The following PLCB1 variants were observed in gnomAD, a reference collection of about 807,000 sequenced individuals.
PLCB1 encodes 1-phosphatidylinositol 4,5-bisphosphate phosphodiesterase beta-1.
In PLCB1, 46 loss-of-function variants were observed where a neutral mutation model predicts 161.8. The ratio of observed to expected loss-of-function variants is 0.28; its 90% CI spans 0.22 to 0.36. The LOEUF (loss-of-function observed/expected upper bound fraction) is 0.36, where lower values mean the gene tolerates loss of function less well. Among genes scored for constraint, PLCB1 ranks in the 10% least tolerant of loss-of-function variants. The pLI, the probability that PLCB1 is intolerant of heterozygous loss-of-function variation, is 1.00. For synonymous variants in PLCB1, 517 were observed against 503.7 expected (o/e 1.03, Z -0.35); for missense variants, 1,016 against 1,472.5 (o/e 0.69, Z 5.07).
intron 3 of PLCB1, among the ~76,000 whole-genome samples, chr20:8,530,279 T>A (rs1343066684): frequency 6.6e-6 from 1 of 152,112 alleles, no homozygotes; most frequent in East Asian, 1.9e-4. Context: ...TTTAAATGCC[T>A]AAATTGGATG....
chr20:8,574,043 A>C (rs984656099), intron 3 of PLCB1, among the ~76,000 whole-genome samples: 3 of 152,240 alleles, frequency 2.0e-5, no homozygotes, highest in Non-Finnish European at 2.9e-5. Flanking sequence ...AGAGCTCAAA[A>C]GTTTCCAGCA....
chr20:8,595,137 A>C (rs1394784390), intron 3 of PLCB1, among the ~76,000 whole-genome samples: 1 of 151,846 alleles, frequency 6.6e-6, no homozygotes, highest in Non-Finnish European at 1.5e-5. Context: ...TTTAGGGTAC[A>C]TGTGCACATT....
intron 2 of PLCB1, among the ~76,000 whole-genome samples, chr20:8,167,601 CATT>C (rs1446276803): frequency 1.3e-5 from 2 of 152,150 alleles, no homozygotes; most frequent in Non-Finnish European, 2.9e-5. Context: ...GTTCAGATTG[CATT>C]ATTAGATAGT....
At chr20:8,839,938 G>A (rs1465971143) in intron 31 of PLCB1, among the ~76,000 whole-genome samples, 4 of 151,838 alleles carry the variant, frequency 2.6e-5, no homozygotes, top group Admixed American at 2.0e-4. Context: ...GGCTGAGGCA[G>A]GAGAATCGCT....
intron 2 of PLCB1, among the ~76,000 whole-genome samples, chr20:8,181,963 T>C (rs1403750262): frequency 6.6e-6 from 1 of 152,142 alleles, no homozygotes; most frequent in African/African-American, 2.4e-5. Context: ...AGTAAGATCC[T>C]GTGTCTAAAA....
At chr20:8,247,115 C>T (rs1407501406) in intron 2 of PLCB1, among the ~76,000 whole-genome samples, 1 of 151,932 alleles carries the variant, frequency 6.6e-6, no homozygotes, top group African/African-American at 2.4e-5. Flanking sequence ...CTTCCTACAC[C>T]TTTAGCATCC....
intron 3 of PLCB1, among the ~76,000 whole-genome samples, chr20:8,440,651 G>A (rs1980517694): frequency 6.6e-6 from 1 of 152,138 alleles, no homozygotes; most frequent in African/African-American, 2.4e-5. Context: ...AGGGTTGGGG[G>A]AAGGGAGGGT....
rs993864568 is a variant in PLCB1 at position 8,883,214 on chromosome 20, C to T, written c.*1365C>T. On this transcript the variant is annotated 3_prime_UTR_variant, in exon 32 of 32. Coordinates refer to ENST00000338037, the MANE Select transcript of PLCB1 (RefSeq NM_015192.4). Reference sequence around the variant, plus strand: ...AAATAATATGGACATTTATTAGTATCTTCCATAATTTTTAAGTCTGACACA... The same window carrying T: ...AAATAATATGGACATTTATTAGTATTTTCCATAATTTTTAAGTCTGACACA... 3.9e-5 allele frequency: 6 copies of T among 152,020 alleles called. No homozygotes were observed. The highest frequency in any genetic ancestry group is 1.9e-4 in the East Asian group (1 of 5,196). The allele number at this position is 152,020 out of a possible 1,614,324, so 9.4% of individuals were successfully genotyped here.
chr20:8,834,809 A>AG (rs1986203199), intron 31 of PLCB1, among the ~76,000 whole-genome samples: 1 of 62,308 alleles, frequency 1.6e-5, no homozygotes. Context: ...ACTCTGCCTC[A>AG]GAAAAAAAAA....
intron 2 of PLCB1, among the ~76,000 whole-genome samples, chr20:8,214,958 AGTTAT>A (rs1330076354): frequency 6.6e-6 from 1 of 152,094 alleles, no homozygotes; most frequent in Non-Finnish European, 1.5e-5. Flanking sequence ...AAAATGGTGC[AGTTAT>A]TGCTGAAATA....
In PLCB1 at chr20:8,225,834, G is replaced by C. The variant is rs183748229; in HGVS notation, c.177+75463G>C. Among the ~76,000 whole-genome samples, 285 of 152,322 alleles carry C rather than the reference G, an allele frequency of 1.9e-3. 2 individuals carry two copies. In the Middle Eastern group the frequency reaches 0.024, roughly 13 times the overall value. ...ATAACAATACAGCTGACACGATTAG[G>C]TGTTTGTTTAAATGATTTTTCATTT... On this transcript the variant is annotated intron_variant, in intron 2 of 31. Transcript: ENST00000338037.
At chr20:8,874,512 C>T (rs1428618559) in intron 31 of PLCB1, among the ~76,000 whole-genome samples, 1 of 151,918 alleles carries the variant, frequency 6.6e-6, no homozygotes, top group Non-Finnish European at 1.5e-5. Flanking sequence ...AATATTGAAA[C>T]TATTTCTGGA....
intron 2 of PLCB1, among the ~76,000 whole-genome samples, chr20:8,211,939 T>C (rs73897313): frequency 0.042 from 6,419 of 152,224 alleles, 434 homozygotes; most frequent in African/African-American, 0.14. Context: ...TTTTAATTTC[T>C]TTTATTAGCA....
chr20:8,381,337 A>G (rs1012434171), intron 3 of PLCB1, among the ~76,000 whole-genome samples: 11 of 152,098 alleles, frequency 7.2e-5, no homozygotes, highest in African/African-American at 2.7e-4. Flanking sequence ...TGCTGGATTT[A>G]GTTTGCAGTA....
intron 3 of PLCB1, among the ~76,000 whole-genome samples, chr20:8,448,950 G>A (rs1436712024): frequency 1.3e-5 from 2 of 152,142 alleles, no homozygotes; most frequent in Non-Finnish European, 2.9e-5. Context: ...GAGATTTTAT[G>A]ATTCCATGAT....
Position 8,807,288 on chromosome 20 carries a change from C to T in PLCB1, c.3423+17027C>T, listed in dbSNP as rs1055197633. ...TGAGACCACAGGGTCACTTATAGAACGATGGTGCAGAGATGACCTAGAAAA... is the reference window on the plus strand; with the variant it reads ...TGAGACCACAGGGTCACTTATAGAATGATGGTGCAGAGATGACCTAGAAAA... On this transcript the variant is annotated intron_variant, in intron 31 of 31. Coordinates refer to ENST00000338037, the MANE Select transcript of PLCB1 (RefSeq NM_015192.4). Among the ~76,000 whole-genome samples the T allele has an allele frequency of 4.6e-5, 7 of 152,092 alleles. 1 individual carries two copies. The highest frequency in any genetic ancestry group is 1.3e-4 in the Admixed American group (2 of 15,276).
intron 11 of PLCB1, among the ~76,000 whole-genome samples, chr20:8,702,988 G>T (rs1421782641): frequency 6.6e-6 from 1 of 152,140 alleles, no homozygotes; most frequent in Non-Finnish European, 1.5e-5. Flanking sequence ...TAAAGTTATG[G>T]TAGAGATGGG....
intron 31 of PLCB1, among the ~76,000 whole-genome samples, chr20:8,860,290 C>T (rs1156318522): frequency 2.6e-5 from 4 of 152,158 alleles, no homozygotes; most frequent in African/African-American, 7.2e-5. Flanking sequence ...TGAAGAAAAG[C>T]TTTGTGCTTA....
chr20:8,181,564 T>C (rs1392334515), intron 2 of PLCB1, among the ~76,000 whole-genome samples: 1 of 152,186 alleles, frequency 6.6e-6, no homozygotes, highest in African/African-American at 2.4e-5. Flanking sequence ...TTGGCCTTTT[T>C]AGTCCAAGTG....
Sources: gnomAD v4.1 joint callset for allele counts (sites outside exome capture counted in the v4.1 genomes callset) on GRCh38, gnomAD v4.1.1 for gene constraint, MANE v1.5 for transcripts, NCBI Gene and HGNC (gene_info 2026-07-23, HGNC 2026-07-21) for gene names.